DYRK1A: variants seen among roughly 807,000 people sequenced by gnomAD.
The protein encoded by DYRK1A is dual specificity tyrosine-phosphorylation-regulated kinase 1A.
DYRK1A carries 9 observed loss-of-function variants against 79.7 expected under a neutral mutation model. The ratio of observed to expected loss-of-function variants is 0.11; its 90% CI spans 0.07 to 0.20. The LOEUF is 0.20. Ranked by LOEUF, DYRK1A falls within the 10% of genes least tolerant of loss-of-function variation. The pLI, the probability that DYRK1A is intolerant of heterozygous loss-of-function variation, is 1.00. For missense variants in DYRK1A, 622 were observed against 956.0 expected (o/e 0.65, Z 4.61); for synonymous variants, 349 against 329.7 (o/e 1.06, Z -0.63).
intron 1 of DYRK1A, chr21:37,418,884 T>G (rs2050409828): frequency 6.6e-6 from 1 of 152,196 alleles, no homozygotes; most frequent in Non-Finnish European, 1.5e-5. Context: ...AGGCAAAGAT[T>G]TCAGAGACAA....
Position 37,512,096 on chromosome 21 carries a change from T to C in DYRK1A, c.1830T>C (p.His610=), listed in dbSNP as rs112866613. ...ACCACCACCACCATCACCACCACCA[T>C]GGACAACAAGCCTTGGGTAACCGGA... is the stretch of plus-strand genomic sequence containing the variant. ...HHHHHHHHHH[H]GQQALGNRTR... Residue 610 remains histidine, a synonymous_variant, in exon 12 of 12, where the codon CAT becomes CAC. Transcript: ENST00000647188. The C allele has an allele frequency of 4.3e-6, 7 of 1,614,000 alleles. No individual in the cohort carries two copies. In the African/African-American group the frequency reaches 5.3e-5, roughly 12 times the overall value.
intron 2 of DYRK1A, among the ~76,000 whole-genome samples, chr21:37,440,439 A>G (rs879770297): frequency 6.6e-6 from 1 of 151,756 alleles, no homozygotes; most frequent in Non-Finnish European, 1.5e-5. Flanking sequence ...GCCCAGCTTC[A>G]TTTGCTCTTT....
chr21:37,480,717 A>G lies in DYRK1A; in HGVS notation c.380A>G (p.Tyr127Cys), dbSNP rs750128893. ...DSSHKKERKV[Y>C]NDGYDDDNYD... ...AGTCATAAGAAGGAACGGAAGGTTT[A>G]CAATGATGGTTATGATGATGATAAC... is the stretch of plus-strand genomic sequence containing the variant. The change falls in exon 5 of 12, where the codon TAC (tyrosine) becomes TGC (cysteine). Residue 127 changes from tyrosine to cysteine, a missense_variant. Around this residue, in one of 5 missense-constraint regions of DYRK1A, gnomAD observed 138 missense variants for 346.4 expected, o/e 0.40. Coordinates refer to ENST00000647188, the MANE Select transcript of DYRK1A (RefSeq NM_001347721.2). The G allele has an allele frequency of 2.0e-5, 33 of 1,613,328 alleles. No homozygotes were observed. The highest frequency in any genetic ancestry group is 2.6e-5 in the Non-Finnish European group (31 of 1,179,682).
In DYRK1A at chr21:37,480,882, C is replaced by CTTG. The variant is rs1319756195; in HGVS notation, c.489+62_489+64dup. The CTTG allele has an allele frequency of 1.1e-5, 15 of 1,425,746 alleles. No homozygotes were observed. In the African/African-American group the frequency reaches 2.0e-4, roughly 19 times the overall value. 88.3% of individuals were successfully genotyped at this position (1,425,746 alleles called of 1,614,324 possible). A position where few individuals can be genotyped will look rare whatever the true frequency, so the allele number is the denominator to read the frequency against. ...AGTTAGAAAGAACTTCTTAGTGAAT[C>CTTG]TTGTTGTTAACAGCCCTTCCTCAAG... On this transcript the variant is annotated intron_variant, in intron 5 of 11. Transcript: ENST00000647188.
chr21:37,370,474 G>T (rs769298878), intron 1 of DYRK1A, among the ~76,000 whole-genome samples: 2 of 152,014 alleles, frequency 1.3e-5, no homozygotes, highest in Admixed American at 1.3e-4. Context: ...GTAGAAGAGT[G>T]GGCTTCACTT....
rs541255824 is a variant in DYRK1A, at chr21:37,375,052, A to G, written c.-77+7424A>G. ...CTTCGTTCTTTGTTCTTTCTACAGA[A>G]GAGGGAATAAAGGACAAGGTGTACA... On this transcript the variant is annotated intron_variant, in intron 1 of 11. Coordinates refer to ENST00000647188, the MANE Select transcript of DYRK1A (RefSeq NM_001347721.2). 3.3e-5 allele frequency: 5 copies of G among 152,342 alleles called. No individual in the cohort carries two copies. The East Asian group carries it at 9.6e-4, about 29-fold the overall frequency. The allele number at this position is 152,342 out of a possible 1,614,324, so 9.4% of individuals were successfully genotyped here.
chr21:37,381,714 G>A (rs2049662234), intron 1 of DYRK1A, among the ~76,000 whole-genome samples: 1 of 152,162 alleles, frequency 6.6e-6, no homozygotes, highest in South Asian at 2.1e-4. Context: ...CTTGATTCTG[G>A]GAGGTTGAGG....
intron 1 of DYRK1A, among the ~76,000 whole-genome samples, chr21:37,375,822 C>T (rs1020328715): frequency 3.3e-5 from 5 of 151,902 alleles, no homozygotes; most frequent in Admixed American, 6.6e-5. Context: ...GAGGAATATT[C>T]TTTACCTGTT....
chr21:37,420,492 A>G (rs758335902), intron 2 of DYRK1A, 108 bp downstream of exon 2: 15 of 1,081,558 alleles, frequency 1.4e-5, no homozygotes, highest in Non-Finnish European at 2.0e-5. Context: ...AGTGGGGGGA[A>G]TTGTAGATCA....
At chr21:37,413,016 T>G (rs2050271994) in intron 1 of DYRK1A, among the ~76,000 whole-genome samples, 1 of 152,170 alleles carries the variant, frequency 6.6e-6, no homozygotes, top group South Asian at 2.1e-4. Context: ...AGGTCACATC[T>G]GAGGTTAGGG....
intron 9 of DYRK1A, among the ~76,000 whole-genome samples, chr21:37,501,112 G>A (rs2148639329): frequency 6.7e-6 from 1 of 149,058 alleles, no homozygotes; most frequent in African/African-American, 2.5e-5. Context: ...TTCCCTCCAA[G>A]CACTGCTTTA....
chr21:37,494,674 G>A (rs1028476659), intron 8 of DYRK1A, among the ~76,000 whole-genome samples: 2 of 151,908 alleles, frequency 1.3e-5, no homozygotes, highest in South Asian at 2.1e-4. Context: ...AATGCCGGGC[G>A]CAGTGGCTCA....
chr21:37,397,800 G>C (rs2049982635), intron 1 of DYRK1A, among the ~76,000 whole-genome samples: 1 of 152,014 alleles, frequency 6.6e-6, no homozygotes, highest in Non-Finnish European at 1.5e-5. Context: ...GCTGTCAGTG[G>C]TATGGGATCC....
chr21:37,431,774 TATGTAGTTTGTATAG>T (rs1287333954), intron 2 of DYRK1A, among the ~76,000 whole-genome samples: 1 of 152,248 alleles, frequency 6.6e-6, no homozygotes, highest in African/African-American at 2.4e-5. Context: ...AAAAATACTT[TATGTAGTTTGTATAG>T]ATGTAGTTGC....
intron 11 of DYRK1A, 148 bp from the exon 12 acceptor site, chr21:37,511,763 A>G (rs2148661639): frequency 3.1e-6 from 3 of 973,850 alleles, no homozygotes; most frequent in Non-Finnish European, 4.4e-6. Flanking sequence ...ATTTTGTGTT[A>G]TAAAACTGTC....
rs79423895 is a variant in DYRK1A, at chr21:37,496,289, T to G, written c.1212+31T>G. The G allele has an allele frequency of 3.7e-4, 583 of 1,581,348 alleles. 3 individuals are homozygous for G. In the African/African-American group the frequency reaches 6.8e-3, roughly 19 times the overall value. On this transcript the variant is annotated intron_variant, in intron 9 of 11. Transcript: ENST00000647188. Reference sequence around the variant, plus strand: ...ATAAGGATATATCTGTTTTGAGCCTTTATTAAATTTCTTTATCATACCTGT... The same window carrying G: ...ATAAGGATATATCTGTTTTGAGCCTGTATTAAATTTCTTTATCATACCTGT...
intron 2 of DYRK1A, chr21:37,464,370 T>C (rs1327603858): frequency 4.6e-6 from 2 of 432,214 alleles, no homozygotes; most frequent in South Asian, 1.7e-5. Context: ...CATTTTTCTT[T>C]TAGTAAAATA....
rs2053888673 is a variant in DYRK1A, at chr21:37,517,081, A to AG, written c.*4551dup. The stretch of plus-strand genomic sequence containing the variant: ...ACCTGTGAATCCTTCTTCAAAGCAT[A>AG]GAGGAGGCAGAGACAAGTCTTAAAC... On this transcript the variant is annotated 3_prime_UTR_variant, in exon 12 of 12. Coordinates refer to ENST00000647188, the MANE Select transcript of DYRK1A (RefSeq NM_001347721.2). The AG allele has an allele frequency of 6.6e-6, 1 of 152,212 alleles. No homozygotes were observed. Among genetic ancestry groups the AG allele is most frequent in the Non-Finnish European group, 1.5e-5 (1 of 68,042 alleles). The allele number at this position is 152,212 out of a possible 1,614,324, so 9.4% of individuals were successfully genotyped here. A position where few individuals can be genotyped will look rare whatever the true frequency, so the allele number is the denominator to read the frequency against.
At chr21:37,485,933 T>A (rs1441118321) in intron 5 of DYRK1A, among the ~76,000 whole-genome samples, 2 of 152,156 alleles carry the variant, frequency 1.3e-5, no homozygotes, top group Non-Finnish European at 2.9e-5. Context: ...GATTTTTTTT[T>A]AGTCTAAACC....
Sources: allele counts gnomAD v4.1 joint callset (sites outside exome capture counted in the v4.1 genomes callset), GRCh38; gene constraint gnomAD v4.1.1; regional missense constraint gnomAD v4.1.1; transcripts MANE v1.5; gene names NCBI Gene and HGNC (gene_info 2026-07-23, HGNC 2026-07-21).